The following F13A1 variants were observed in gnomAD, a reference collection of about 807,000 sequenced individuals.
F13A1 encodes FSF, A subunit.
Under a neutral mutation model 80.1 loss-of-function variants are expected in F13A1, and 47 were observed. The observed-to-expected ratio is 0.59, with a 90% CI of 0.46 to 0.75. The LOEUF is 0.75. Ranked by LOEUF, F13A1 falls within the 30% of genes least tolerant of loss-of-function variation. The probability of loss-of-function intolerance (pLI) is 0.00; values close to 1 mark genes in which losing one functional copy is unlikely to be tolerated. For synonymous variants in F13A1, 349 were observed against 344.9 expected, an observed-to-expected ratio of 1.01 and a Z score of -0.13; for missense variants, 817 against 930.4, an observed-to-expected ratio of 0.88 and a Z score of 1.59.
At chr6:6,189,591 C>G (rs1454444568) in intron 10 of F13A1, among the ~76,000 whole-genome samples, 1 of 143,778 alleles carries the variant, frequency 7.0e-6, no homozygotes, top group African/African-American at 2.5e-5. Context: ...GCCGAGAGAT[C>G]CGCTGTTAGT....
chr6:6,211,523 T>A (rs1761608786), intron 8 of F13A1, among the ~76,000 whole-genome samples: 1 of 152,168 alleles, frequency 6.6e-6, no homozygotes, highest in Non-Finnish European at 1.5e-5. Context: ...TTTTCTTCTC[T>A]ACTATTTTAC....
chr6:6,245,274 G>C (rs556036962), intron 6 of F13A1, among the ~76,000 whole-genome samples: 1 of 152,228 alleles, frequency 6.6e-6, no homozygotes, highest in Non-Finnish European at 1.5e-5. Flanking sequence ...TTACTCTTGA[G>C]TGCAATGGTG....
intron 8 of F13A1, among the ~76,000 whole-genome samples, chr6:6,217,686 A>T (rs1234564350): frequency 6.6e-6 from 1 of 152,060 alleles, no homozygotes; most frequent in Admixed American, 6.5e-5. Flanking sequence ...AATAATAAAA[A>T]TAAATAAAAA....
At chr6:6,296,302 T>C (rs1758326812) in intron 3 of F13A1, among the ~76,000 whole-genome samples, 2 of 151,588 alleles carry the variant, frequency 1.3e-5, no homozygotes, top group African/African-American at 4.9e-5. Context: ...GGTAGCTTGA[T>C]GGGGATGGCA....
chr6:6,145,568 C>G lies in F13A1; in HGVS notation c.*51G>C, dbSNP rs1561941536. On this transcript the variant is annotated 3_prime_UTR_variant, in exon 15 of 15. Coordinates refer to ENST00000264870, the MANE Select transcript of F13A1 (RefSeq NM_000129.4). ...TATTTTTGCGTTAGAATTTCCTTAGCCAAGACTACAAGAGGCCAAATGCCA... is the reference window on the plus strand; with the variant it reads ...TATTTTTGCGTTAGAATTTCCTTAGGCAAGACTACAAGAGGCCAAATGCCA... The G allele has an allele frequency of 6.2e-7, 1 of 1,613,412 alleles. No homozygotes were observed. Among genetic ancestry groups the G allele is most frequent in the Non-Finnish European group, 8.5e-7 (1 of 1,179,396 alleles).
In F13A1 at chr6:6,305,335, T is replaced by G; in HGVS notation, c.319+16A>C. 1.2e-6 allele frequency: 2 copies of G among 1,614,130 alleles called. No individual in the cohort carries two copies. The highest frequency in any genetic ancestry group is 1.7e-6 in the Non-Finnish European group (2 of 1,179,968). On this transcript the variant is annotated intron_variant, in intron 3 of 14. Transcript: ENST00000264870. ...AACCCATGGTGTCAAGACTGGAGCT[T>G]GCACATGGCACTCACCAATGACGTA...
chr6:6,163,228 C>T (rs1457662067), intron 13 of F13A1, among the ~76,000 whole-genome samples: 1 of 152,186 alleles, frequency 6.6e-6, no homozygotes, highest in South Asian at 2.1e-4. Flanking sequence ...AGGGTGTGAG[C>T]GTTTTCTTAG....
At chr6:6,309,071 G>A (rs1758555038) in intron 2 of F13A1, among the ~76,000 whole-genome samples, 1 of 152,064 alleles carries the variant, frequency 6.6e-6, no homozygotes, top group African/African-American at 2.4e-5. Flanking sequence ...ACTGTCCCAT[G>A]CTCTTAAGAT....
At chr6:6,167,346 TGAGCAGGA>T in intron 13 of F13A1, 104 bp downstream of exon 13, 1 of 824,362 alleles carries the variant, frequency 1.2e-6, no homozygotes, top group Middle Eastern at 3.7e-4. Flanking sequence ...TTTTTTTTTT[TGAGCAGGA>T]CATTCATTCA....
chr6:6,253,107 C>T (rs900773986), intron 4 of F13A1, among the ~76,000 whole-genome samples: 7 of 134,780 alleles, frequency 5.2e-5, no homozygotes, highest in African/African-American at 1.1e-4. Context: ...AGCACTACTG[C>T]ACTCCAGGCT....
chr6:6,152,310 G>A (rs760910679), intron 13 of F13A1, among the ~76,000 whole-genome samples: 1 of 152,192 alleles, frequency 6.6e-6, no homozygotes, highest in Non-Finnish European at 1.5e-5. Context: ...TAGGCATCAA[G>A]TTTCCTGCTG....
At chr6:6,283,497 A>G (rs750355879) in intron 3 of F13A1, among the ~76,000 whole-genome samples, 27 of 152,230 alleles carry the variant, frequency 1.8e-4, no homozygotes, top group Non-Finnish European at 3.7e-4. Flanking sequence ...AGGGATGACG[A>G]GACATCAGAT....
At chr6:6,209,300 A>T (rs1761553165) in intron 8 of F13A1, among the ~76,000 whole-genome samples, 1 of 150,806 alleles carries the variant, frequency 6.6e-6, no homozygotes, top group Non-Finnish European at 1.5e-5. Flanking sequence ...CTTCACACCC[A>T]TTAGGATGGC....
intron 10 of F13A1, among the ~76,000 whole-genome samples, chr6:6,189,847 A>G (rs970847625): frequency 6.6e-5 from 10 of 151,898 alleles, no homozygotes; most frequent in Non-Finnish European, 8.8e-5. Flanking sequence ...TCTCCCCATC[A>G]CTTTCAGGTA....
At chr6:6,199,097 A>G (rs1166827689) in intron 8 of F13A1, among the ~76,000 whole-genome samples, 1 of 152,234 alleles carries the variant, frequency 6.6e-6, no homozygotes, top group Non-Finnish European at 1.5e-5. Context: ...CAGGCAATGC[A>G]CGAAACTAAC....
chr6:6,308,082 C>T (rs1314188105), intron 2 of F13A1, among the ~76,000 whole-genome samples: 1 of 151,926 alleles, frequency 6.6e-6, no homozygotes, highest in East Asian at 1.9e-4. Context: ...GGCGCGATCT[C>T]GGCTCACTGC....
rs1457923339 is a variant in F13A1, at chr6:6,151,894, T to C, written c.1964A>G (p.Asn655Ser). 2 of 1,613,980 alleles carry C rather than the reference T, an allele frequency of 1.2e-6. No homozygotes were observed. The highest frequency in any genetic ancestry group is 1.7e-6 in the Non-Finnish European group (2 of 1,179,984). The change falls in exon 14 of 15, where the codon AAT becomes AGT. Residue 655 changes from asparagine (N) to serine (S), a missense_variant. Transcript: ENST00000264870. ...ATTTCGCAGGGTTTCTTTTAAAGGA[T>C]TGGTAAACTCAACTGTCACAGTCAT... ...SDMTVTVEFT[N>S]PLKETLRNVW... is the part of the protein sequence containing the mutation.
At chr6:6,227,266 C>A (rs1468664292) in intron 6 of F13A1, among the ~76,000 whole-genome samples, 1 of 152,212 alleles carries the variant, frequency 6.6e-6, no homozygotes, top group Non-Finnish European at 1.5e-5. Flanking sequence ...TTGGTTTAGA[C>A]ATGCTATCTT....
chr6:6,311,154 T>C (rs1758585385), intron 2 of F13A1, among the ~76,000 whole-genome samples: 1 of 152,232 alleles, frequency 6.6e-6, no homozygotes, highest in South Asian at 2.1e-4. Context: ...ATTATCTTGC[T>C]ATAGTGCCTG....
Sources: allele counts gnomAD v4.1 joint callset (sites outside exome capture counted in the v4.1 genomes callset), GRCh38; gene constraint gnomAD v4.1.1; transcripts MANE v1.5; gene names NCBI Gene and HGNC (gene_info 2026-07-23, HGNC 2026-07-21).